HSD17B12: variants seen among roughly 807,000 people sequenced by gnomAD.
HSD17B12 encodes very-long-chain 3-oxoacyl-CoA reductase.
A neutral mutation model predicts 39.3 loss-of-function variants in HSD17B12; 32 were observed. That is an observed-to-expected ratio of 0.81 (90% CI 0.61 to 1.09). The LOEUF is 1.09. Ranked by LOEUF, HSD17B12 falls within the 50% of genes least tolerant of loss-of-function variation. The pLI is 0.00. For synonymous variants in HSD17B12, 150 were observed against 146.7 expected (o/e 1.02, Z -0.16); for missense variants, 342 against 382.9 (o/e 0.89, Z 0.89).
At chr11:43,642,381 C>G in the HSD17B12 span, among the ~76,000 whole-genome samples, 6 of 151,424 alleles carry the variant, frequency 4.0e-5, no homozygotes, top group African/African-American at 1.5e-4. Context: ...AAAATTATTT[C>G]TAATGTAATT....
intron 3 of HSD17B12, among the ~76,000 whole-genome samples, chr11:43,796,799 A>G (rs1257176907): frequency 6.6e-6 from 1 of 151,596 alleles, no homozygotes; most frequent in African/African-American, 2.4e-5. Flanking sequence ...TCTTGAATGA[A>G]GTTTTTCATT....
intron 7 of HSD17B12, among the ~76,000 whole-genome samples, chr11:43,837,707 C>T (rs1196761201): frequency 6.6e-6 from 1 of 152,086 alleles, no homozygotes; most frequent in Non-Finnish European, 1.5e-5. Context: ...GTATCTACAA[C>T]CCAGGGAAAG....
At chr11:43,730,972 G>T (rs10838158) in intron 1 of HSD17B12, among the ~76,000 whole-genome samples, 1 of 151,680 alleles carries the variant, frequency 6.6e-6, no homozygotes, top group Non-Finnish European at 1.5e-5. Context: ...TGGAGAATTT[G>T]CCCACTTCTT....
the HSD17B12 span, among the ~76,000 whole-genome samples, chr11:43,637,770 T>C: frequency 6.6e-6 from 1 of 152,220 alleles, no homozygotes; most frequent in Non-Finnish European, 1.5e-5. Flanking sequence ...ACAGTGTCCA[T>C]GAGCTAGGAA....
the HSD17B12 span, among the ~76,000 whole-genome samples, chr11:43,563,757 G>T: frequency 2.0e-5 from 3 of 152,208 alleles, no homozygotes; most frequent in Non-Finnish European, 4.4e-5. Flanking sequence ...ATTCGAGCTT[G>T]CAGTGAGCTA....
chr11:43,644,051 T>C, the HSD17B12 span, among the ~76,000 whole-genome samples: 2 of 152,132 alleles, frequency 1.3e-5, no homozygotes, highest in Non-Finnish European at 2.9e-5. Flanking sequence ...CTATAGGTGT[T>C]TGAGAAAATT....
In HSD17B12 at chr11:43,831,157, C is replaced by T; in HGVS notation, c.536+147C>T. The stretch of plus-strand genomic sequence containing the variant: ...ACAGAGTGATGTACCAGGCGAGTCA[C>T]AGTAGAGCATGAGTCATCGGTGGTG... On this transcript the variant is annotated intron_variant, in intron 7 of 10. Transcript: ENST00000278353. The surrounding 1 kb of genome is among the most constrained non-coding windows in gnomAD (Gnocchi z 4.1). 3.2e-6 allele frequency: 2 copies of T among 627,234 alleles called. No homozygotes were observed. The highest frequency in any genetic ancestry group is 2.3e-5 in the South Asian group (1 of 43,904). 38.9% of individuals were successfully genotyped at this position (627,234 alleles called of 1,614,324 possible). A position where few individuals can be genotyped will look rare whatever the true frequency, so the allele number is the denominator to read the frequency against.
chr11:43,642,888 T>C, the HSD17B12 span, among the ~76,000 whole-genome samples: 7 of 151,944 alleles, frequency 4.6e-5, no homozygotes, highest in Non-Finnish European at 1.0e-4. Context: ...GTTTACTAGA[T>C]AAAAAATGTA....
the HSD17B12 span, among the ~76,000 whole-genome samples, chr11:43,609,986 A>G: frequency 6.6e-6 from 1 of 152,220 alleles, no homozygotes; most frequent in Non-Finnish European, 1.5e-5. Context: ...TCATGTTTTC[A>G]TCTGCTCTTT....
At chr11:43,594,843 T>G in the HSD17B12 span, among the ~76,000 whole-genome samples, 1 of 152,194 alleles carries the variant, frequency 6.6e-6, no homozygotes, top group Non-Finnish European at 1.5e-5. Flanking sequence ...AAAGATTTTT[T>G]TTGTCTTCTT....
At chr11:43,770,290 TG>T (rs1950636726) in intron 3 of HSD17B12, among the ~76,000 whole-genome samples, 1 of 152,222 alleles carries the variant, frequency 6.6e-6, no homozygotes, top group Non-Finnish European at 1.5e-5. Context: ...CCAGCATTCT[TG>T]CAGGGCAGCA....
At chr11:43,801,095 C>T (rs1423403031) in intron 4 of HSD17B12, among the ~76,000 whole-genome samples, 1 of 151,750 alleles carries the variant, frequency 6.6e-6, no homozygotes, top group African/African-American at 2.4e-5. Flanking sequence ...GCCGAGATTG[C>T]ACCATTACAC....
At chr11:43,841,177 C>G (rs934397496) in intron 9 of HSD17B12, among the ~76,000 whole-genome samples, 10 of 152,066 alleles carry the variant, frequency 6.6e-5, no homozygotes, top group African/African-American at 2.4e-4. Flanking sequence ...TGCCTATCAC[C>G]TTTGAAGAAA....
At chr11:43,654,740 G>A in the HSD17B12 span, among the ~76,000 whole-genome samples, 1 of 152,102 alleles carries the variant, frequency 6.6e-6, no homozygotes, top group Non-Finnish European at 1.5e-5. Flanking sequence ...GCTCTGTTCT[G>A]TTCCATTGGT....
intron 3 of HSD17B12, among the ~76,000 whole-genome samples, chr11:43,779,611 A>C (rs1950744959): frequency 1.3e-5 from 2 of 152,196 alleles, no homozygotes; most frequent in African/African-American, 4.8e-5. Context: ...TCTGTGATTG[A>C]AGACTCTGTG....
chr11:43,661,258 G>T, the HSD17B12 span, among the ~76,000 whole-genome samples: 1 of 152,178 alleles, frequency 6.6e-6, no homozygotes, highest in African/African-American at 2.4e-5. Flanking sequence ...TTTCTAGAAA[G>T]GCAACACTAG....
the HSD17B12 span, chr11:43,644,342 C>T: frequency 6.6e-6 from 1 of 152,248 alleles, no homozygotes; most frequent in Non-Finnish European, 1.5e-5. Context: ...AACAGCCCCC[C>T]AGGTTGCCAA....
At chr11:43,673,763 T>A in the HSD17B12 span, among the ~76,000 whole-genome samples, 1 of 152,090 alleles carries the variant, frequency 6.6e-6, no homozygotes, top group Admixed American at 6.6e-5. Flanking sequence ...GCTCAAGGGA[T>A]CTACCCAAAG....
At chr11:43,848,194 T>C (rs2135142967) in intron 9 of HSD17B12, among the ~76,000 whole-genome samples, 1 of 152,212 alleles carries the variant, frequency 6.6e-6, no homozygotes, top group East Asian at 1.9e-4. Context: ...GAAATGTTCA[T>C]GTATGGCCAA....
Sources: allele counts gnomAD v4.1 joint callset (sites outside exome capture counted in the v4.1 genomes callset), GRCh38; gene constraint gnomAD v4.1.1; non-coding constraint Gnocchi (gnomAD v3.1); transcripts MANE v1.5; gene names NCBI Gene and HGNC (gene_info 2026-07-23, HGNC 2026-07-21).